Variants in POLN observed in about 807,000 individuals in gnomAD.
The protein encoded by POLN is DNA polymerase N.
In POLN, 108 loss-of-function variants were observed where a neutral mutation model predicts 113.5. The observed-to-expected ratio is 0.95, with a 90% CI of 0.81 to 1.12. The LOEUF (loss-of-function observed/expected upper bound fraction) is 1.12. POLN is among the 50% of genes most tolerant of loss of function. The probability of loss-of-function intolerance (pLI) is 0.00; values close to 1 mark genes in which losing one functional copy is unlikely to be tolerated. For synonymous variants in POLN, 386 were observed against 391.5 expected, an observed-to-expected ratio of 0.99 and a Z score of 0.17; for missense variants, 1,097 against 1,077.1, an observed-to-expected ratio of 1.02 and a Z score of -0.26.
chr4:2,119,857 G>C (rs1272206755), intron 19 of POLN, among the ~76,000 whole-genome samples: 1 of 152,056 alleles, frequency 6.6e-6, no homozygotes, highest in African/African-American at 2.4e-5. Context: ...GGAATTAGAA[G>C]TAACCACCAT....
rs868697320 is a variant in POLN at position 2,115,230 on chromosome 4, T to A, written c.1982+12883A>T. Among the ~76,000 whole-genome samples the A allele has an allele frequency of 9.8e-3, 1,117 of 114,338 alleles. 8 individuals carry two copies. Among genetic ancestry groups the A allele is most frequent in the East Asian group, 0.038 (160 of 4,190 alleles). The allele number at this position is 114,338 out of a possible 152,430, so 75.0% of individuals were successfully genotyped here. Reference sequence around the variant, plus strand: ...CAGCTATATATATATATATATATATTTTTTTTTTTGTAGTTTTAGTAGAGA... The same window carrying A: ...CAGCTATATATATATATATATATATATTTTTTTTTGTAGTTTTAGTAGAGA... On this transcript the variant is annotated intron_variant, in intron 19 of 25. Coordinates refer to ENST00000511885, the MANE Select transcript of POLN (RefSeq NM_181808.4).
intron 16 of POLN, among the ~76,000 whole-genome samples, chr4:2,150,332 T>C (rs1055506009): frequency 2.0e-5 from 3 of 152,050 alleles, no homozygotes; most frequent in Admixed American, 6.6e-5. Flanking sequence ...TTAGACAAAA[T>C]AGATTTCAAA....
At chr4:2,117,266 C>T (rs995534321) in intron 19 of POLN, among the ~76,000 whole-genome samples, 1 of 152,194 alleles carries the variant, frequency 6.6e-6, no homozygotes, top group Admixed American at 6.5e-5. Context: ...AAGCAAGCCA[C>T]GTGGCTAACC....
intron 3 of POLN, among the ~76,000 whole-genome samples, chr4:2,224,924 T>A (rs1004088548): frequency 3.3e-5 from 5 of 151,908 alleles, no homozygotes; most frequent in Non-Finnish European, 7.4e-5. Flanking sequence ...CACTCCAGCC[T>A]GGGTGACAAG....
rs113459034 is a variant in POLN, at chr4:2,080,215, C to T, written c.2387+743G>A. On this transcript the variant is annotated intron_variant, in intron 23 of 25. Transcript: ENST00000511885. ...GGTGTCTGGGTCACCACTTGCAGCA[C>T]CCCCAGGCCTTGGCTGGCAAGGAGG... 70 of 987,996 alleles carry T rather than the reference C, an allele frequency of 7.1e-5. 2 individuals are homozygous for T. The highest frequency in any genetic ancestry group is 5.1e-4 in the African/African-American group (29 of 57,328). 61.2% of individuals were successfully genotyped at this position (987,996 alleles called of 1,614,324 possible).
At chr4:2,130,740 A>G (rs1731708101) in intron 17 of POLN, among the ~76,000 whole-genome samples, 1 of 152,178 alleles carries the variant, frequency 6.6e-6, no homozygotes, top group South Asian at 2.1e-4. Flanking sequence ...TTCCACTTGT[A>G]AACTGCTAAC....
At chr4:2,114,711 T>A (rs1441820201) in intron 19 of POLN, among the ~76,000 whole-genome samples, 1 of 152,214 alleles carries the variant, frequency 6.6e-6, no homozygotes, top group East Asian at 1.9e-4. Context: ...TTGTCTAATG[T>A]GTTGTGTTCT....
chr4:2,180,588 G>A (rs1220485299), intron 7 of POLN, among the ~76,000 whole-genome samples: 1 of 152,162 alleles, frequency 6.6e-6, no homozygotes, highest in African/African-American at 2.4e-5. Flanking sequence ...TGGATAAGAG[G>A]AGCACATGTC....
chr4:2,171,139 C>T lies in POLN; in HGVS notation c.1417G>A (p.Gly473Arg). ...ELEQEAHFVA[G>R]ERFLITSNNQ... Reference sequence around the variant, plus strand: ...TTGCTCGTTATAAGAAACCGTTCTCCTGCAACAAAATGAGCTTCTTGCTCC... The same window carrying T: ...TTGCTCGTTATAAGAAACCGTTCTCTTGCAACAAAATGAGCTTCTTGCTCC... The change falls in exon 12 of 26, where the codon GGA becomes AGA. Residue 473 changes from glycine (G) to arginine (R), a missense_variant. Transcript: ENST00000511885. 1 of 1,613,738 alleles carries T rather than the reference C, an allele frequency of 6.2e-7. No individual in the cohort carries two copies. Among genetic ancestry groups the T allele is most frequent in the Non-Finnish European group, 8.5e-7 (1 of 1,179,912 alleles).
chr4:2,106,864 GGATT>G (rs1341999070), intron 19 of POLN, among the ~76,000 whole-genome samples: 1 of 151,682 alleles, frequency 6.6e-6, no homozygotes, highest in African/African-American at 2.4e-5. Context: ...AAAGTTTTTA[GGATT>G]ATTATGCATT....
At chr4:2,123,665 G>A (rs970391725) in intron 19 of POLN, among the ~76,000 whole-genome samples, 1 of 150,406 alleles carries the variant, frequency 6.6e-6, no homozygotes, top group African/African-American at 2.4e-5. Context: ...ATTCAGCCAG[G>A]CATGGTGGCA....
At chr4:2,240,196 T>C (rs564216629) in intron 2 of POLN, 2 of 1,614,104 alleles carry the variant, frequency 1.2e-6, no homozygotes, top group South Asian at 1.1e-5. Context: ...ATTTCTTGAT[T>C]ATCACAAATA....
At chr4:2,204,581 A>G (rs2108762431) in intron 5 of POLN, among the ~76,000 whole-genome samples, 1 of 152,356 alleles carries the variant, frequency 6.6e-6, no homozygotes, top group South Asian at 2.1e-4. Context: ...TCCTCACTAA[A>G]TCATTCTGTG....
At chr4:2,090,664 C>A in intron 20 of POLN, 1 of 288,124 alleles carries the variant, frequency 3.5e-6, no homozygotes, top group South Asian at 5.5e-5. Context: ...CCTTCCAAAA[C>A]ACTCCGCTTA....
intron 13 of POLN, among the ~76,000 whole-genome samples, chr4:2,162,765 T>G (rs1168104892): frequency 6.7e-6 from 1 of 149,570 alleles, no homozygotes; most frequent in African/African-American, 2.5e-5. Flanking sequence ...CCCGATTTTA[T>G]TTTTTTTTTA....
intron 22 of POLN, 57 bp downstream of exon 22, chr4:2,081,576 C>T (rs2108689631): frequency 6.5e-7 from 1 of 1,549,038 alleles, no homozygotes; most frequent in East Asian, 2.3e-5. Flanking sequence ...AGCCCTGCGG[C>T]TGCTAAAACC....
intron 19 of POLN, among the ~76,000 whole-genome samples, chr4:2,102,823 A>G (rs1730961225): frequency 6.6e-6 from 1 of 152,236 alleles, no homozygotes; most frequent in South Asian, 2.1e-4. Context: ...ATTCACAGCC[A>G]AAGAAATCAT....
intron 23 of POLN, chr4:2,078,500 T>A: frequency 4.7e-5 from 30 of 641,934 alleles, no homozygotes; most frequent in East Asian, 1.4e-4. Flanking sequence ...TTAGACAGAC[T>A]CTCGCTCTCG....
chr4:2,080,261 C>A, intron 23 of POLN: 1 of 987,856 alleles, frequency 1.0e-6, no homozygotes, highest in Non-Finnish European at 1.2e-6. Context: ...GCGAGGGCTG[C>A]TTGTCCCCTG....
Sources: allele counts gnomAD v4.1 joint callset (sites outside exome capture counted in the v4.1 genomes callset), GRCh38; gene constraint gnomAD v4.1.1; transcripts MANE v1.5; gene names NCBI Gene and HGNC (gene_info 2026-07-23, HGNC 2026-07-21).